Variants in TMTC2 observed in about 807,000 individuals in gnomAD.
TMTC2 encodes the protein protein O-mannosyl-transferase TMTC2.
A neutral mutation model predicts 82.4 loss-of-function variants in TMTC2; 43 were observed. The observed-to-expected ratio is 0.52, with a 90% CI of 0.41 to 0.67. The LOEUF is 0.67. TMTC2 is among the 30% of genes least tolerant of loss of function. The pLI is 0.00. For missense variants in TMTC2, 919 were observed against 1,012.4 expected, an observed-to-expected ratio of 0.91 and a Z score of 1.25; for synonymous variants, 408 against 381.9, an observed-to-expected ratio of 1.07 and a Z score of -0.80.
At position 82,885,489 on chromosome 12, in the gene TMTC2, C is replaced by T. The variant is rs1873049617; in HGVS notation, c.655-10329C>T. Among the ~76,000 whole-genome samples, 3 of 151,872 alleles carry T rather than the reference C, an allele frequency of 2.0e-5. No individual in the cohort carries two copies. The South Asian group carries it at 6.2e-4, about 31-fold the overall frequency. ...GGCTCAAGCAATCCTCCTACCTCAGCCTCCTGAGTAGCTGGGAATACAGGT... is the reference window on the plus strand; with the variant it reads ...GGCTCAAGCAATCCTCCTACCTCAGTCTCCTGAGTAGCTGGGAATACAGGT... On this transcript the variant is annotated intron_variant, in intron 2 of 11. Transcript: ENST00000321196.
intron 8 of TMTC2, among the ~76,000 whole-genome samples, chr12:83,018,188 A>G (rs1028544295): frequency 6.6e-6 from 1 of 151,988 alleles, no homozygotes; most frequent in Non-Finnish European, 1.5e-5. Context: ...ATCATCCGCT[A>G]CCTTTTATGG....
At chr12:82,969,015 G>C (rs917621961) in intron 7 of TMTC2, among the ~76,000 whole-genome samples, 2 of 151,906 alleles carry the variant, frequency 1.3e-5, no homozygotes, top group African/African-American at 4.8e-5. Flanking sequence ...TCAGTTATTC[G>C]GGAAACTATA....
intron 11 of TMTC2, among the ~76,000 whole-genome samples, chr12:83,076,024 C>G (rs533129047): frequency 6.6e-6 from 1 of 152,300 alleles, no homozygotes; most frequent in African/African-American, 2.4e-5. Flanking sequence ...GCTTAGAAGA[C>G]AAGGATAGTG....
chr12:82,737,439 T>G (rs1276248483), intron 1 of TMTC2, among the ~76,000 whole-genome samples: 1 of 152,174 alleles, frequency 6.6e-6, no homozygotes, highest in Non-Finnish European at 1.5e-5. Flanking sequence ...ATCTGTCTTG[T>G]GAGACTCGAC....
chr12:82,817,313 G>GTT (rs1211494443), intron 1 of TMTC2, among the ~76,000 whole-genome samples: 1 of 151,904 alleles, frequency 6.6e-6, no homozygotes, highest in East Asian at 1.9e-4. Context: ...TTTTGTTTTT[G>GTT]TTTTTTTATA....
intron 8 of TMTC2, among the ~76,000 whole-genome samples, chr12:83,011,163 G>C (rs188835032): frequency 7.2e-5 from 11 of 152,274 alleles, no homozygotes; most frequent in Admixed American, 5.2e-4. Context: ...CAAAAGTATA[G>C]AATTAGTTGT....
intron 11 of TMTC2, among the ~76,000 whole-genome samples, chr12:83,100,624 A>G (rs908694389): frequency 3.9e-5 from 6 of 152,038 alleles, no homozygotes; most frequent in Non-Finnish European, 8.8e-5. Context: ...TATCCTTATA[A>G]TCTGAGATTT....
intron 9 of TMTC2, among the ~76,000 whole-genome samples, chr12:83,045,894 T>C (rs983868401): frequency 1.3e-5 from 2 of 152,070 alleles, no homozygotes; most frequent in African/African-American, 4.8e-5. Flanking sequence ...AGCACCTTCC[T>C]GATAAGATCT....
At chr12:83,129,491 G>A (rs998120182) in intron 11 of TMTC2, among the ~76,000 whole-genome samples, 1 of 152,178 alleles carries the variant, frequency 6.6e-6, no homozygotes, top group African/African-American at 2.4e-5. Flanking sequence ...TTGATGGCAG[G>A]TAGGTAACTC....
chr12:83,043,251 TTAG>T (rs1251949596), intron 9 of TMTC2, among the ~76,000 whole-genome samples: 2 of 152,200 alleles, frequency 1.3e-5, no homozygotes, highest in African/African-American at 4.8e-5. Context: ...CTACCACTCT[TTAG>T]TAGTATCCCC....
At chr12:82,825,854 G>GCACACACACACA (rs113069531) in intron 1 of TMTC2, among the ~76,000 whole-genome samples, 194 of 147,610 alleles carry the variant, frequency 1.3e-3, no homozygotes, top group African/African-American at 4.6e-3. Context: ...GATAGGGAAA[G>GCACACACACACA]CACACACACA....
At chr12:82,997,412 G>GTGTATATATA (rs1213540189) in intron 8 of TMTC2, among the ~76,000 whole-genome samples, 18 of 35,266 alleles carry the variant, frequency 5.1e-4, no homozygotes, top group African/African-American at 8.9e-4. Flanking sequence ...ATATATATGT[G>GTGTATATATA]TATATATATA....
chr12:83,021,088 T>G (rs1565856676), intron 8 of TMTC2, among the ~76,000 whole-genome samples: 1 of 151,866 alleles, frequency 6.6e-6, no homozygotes, highest in Non-Finnish European at 1.5e-5. Context: ...TTTTATTATA[T>G]TTTTTAATTG....
intron 9 of TMTC2, among the ~76,000 whole-genome samples, chr12:83,032,872 T>C (rs935903152): frequency 6.6e-6 from 1 of 152,180 alleles, no homozygotes; most frequent in Non-Finnish European, 1.5e-5. Flanking sequence ...ACAAACTTTT[T>C]ATTTTGTGTG....
chr12:82,983,259 T>C (rs1592673910), intron 7 of TMTC2, among the ~76,000 whole-genome samples: 1 of 152,182 alleles, frequency 6.6e-6, no homozygotes, highest in East Asian at 1.9e-4. Context: ...TTCTTCAAAG[T>C]TGTAATAAGT....
At chr12:83,082,906 T>C (rs1043618940) in intron 11 of TMTC2, among the ~76,000 whole-genome samples, 2 of 152,238 alleles carry the variant, frequency 1.3e-5, no homozygotes, top group South Asian at 2.1e-4. Flanking sequence ...AATTATGTCA[T>C]ATTCACATGT....
chr12:82,777,157 A>G (rs568883375), intron 1 of TMTC2, among the ~76,000 whole-genome samples: 1 of 152,222 alleles, frequency 6.6e-6, no homozygotes, highest in South Asian at 2.1e-4. Flanking sequence ...TAGTTGTAGT[A>G]TGTTATAGCT....
chr12:83,119,189 G>A (rs983837686), intron 11 of TMTC2, among the ~76,000 whole-genome samples: 5 of 151,782 alleles, frequency 3.3e-5, no homozygotes, highest in East Asian at 3.9e-4. Flanking sequence ...ACTGGGTTTC[G>A]GTTTGGTTTG....
intron 8 of TMTC2, among the ~76,000 whole-genome samples, chr12:83,022,896 A>G (rs930038481): frequency 2.0e-5 from 3 of 152,252 alleles, no homozygotes; most frequent in Non-Finnish European, 4.4e-5. Flanking sequence ...TTTTCTGCAC[A>G]ATCATTTTAG....
Sources: allele counts gnomAD v4.1 joint callset (sites outside exome capture counted in the v4.1 genomes callset), GRCh38; gene constraint gnomAD v4.1.1; transcripts MANE v1.5; gene names NCBI Gene and HGNC (gene_info 2026-07-23, HGNC 2026-07-21).